SEMA3A: variants seen among roughly 807,000 people sequenced by gnomAD.
The protein encoded by SEMA3A is semaphorin-3A.
A neutral mutation model predicts 97.9 loss-of-function variants in SEMA3A; 29 were observed. The observed-to-expected ratio is 0.30, with a 90% CI of 0.22 to 0.40. SEMA3A has a LOEUF of 0.40. Among genes scored for constraint, SEMA3A ranks in the 10% least tolerant of loss-of-function variants. SEMA3A has a pLI of 1.00. For missense variants in SEMA3A, 763 were observed against 951.3 expected, an observed-to-expected ratio of 0.80 and a Z score of 2.60; for synonymous variants, 321 against 323.7, an observed-to-expected ratio of 0.99 and a Z score of 0.09.
intron 1 of SEMA3A, among the ~76,000 whole-genome samples, chr7:84,409,232 A>G (rs1340557274): frequency 6.6e-6 from 1 of 151,678 alleles, no homozygotes; most frequent in Non-Finnish European, 1.5e-5. Context: ...CTTTGAGGTG[A>G]TGGATATTTT....
intron 14 of SEMA3A, among the ~76,000 whole-genome samples, chr7:83,978,343 A>C (rs1311134894): frequency 6.6e-6 from 1 of 152,210 alleles, no homozygotes; most frequent in Non-Finnish European, 1.5e-5. Context: ...TGTGAGCTGC[A>C]GCACGTTGTG....
intron 1 of SEMA3A, among the ~76,000 whole-genome samples, chr7:84,445,910 C>T (rs1013592636): frequency 2.6e-5 from 4 of 151,250 alleles, no homozygotes; most frequent in African/African-American, 9.7e-5. Flanking sequence ...GCAATAAAAC[C>T]AAAAGTTTAC....
chr7:84,185,677 G>T (rs1797857984), intron 1 of SEMA3A, among the ~76,000 whole-genome samples: 3 of 107,224 alleles, frequency 2.8e-5, no homozygotes, highest in African/African-American at 3.7e-5. Flanking sequence ...GGTGACAAGA[G>T]AGAAACTCTG....
chr7:84,382,555 TTTTTA>T (rs1415966227), intron 1 of SEMA3A, among the ~76,000 whole-genome samples: 2 of 151,384 alleles, frequency 1.3e-5, no homozygotes. Flanking sequence ...TCACAATCAG[TTTTTA>T]AAGTTGTGTA....
chr7:84,412,849 A>C (rs1037025824), intron 1 of SEMA3A, among the ~76,000 whole-genome samples: 2 of 152,118 alleles, frequency 1.3e-5, no homozygotes, highest in Non-Finnish European at 2.9e-5. Context: ...TTAGATAGGA[A>C]TGACTCAAGT....
chr7:84,067,510 C>T (rs1227871400), intron 4 of SEMA3A, among the ~76,000 whole-genome samples: 11 of 151,432 alleles, frequency 7.3e-5, no homozygotes, highest in South Asian at 2.1e-4. Context: ...AGAAAATTTT[C>T]GCAACCTACT....
chr7:84,445,626 G>A (rs1216437102), intron 1 of SEMA3A, among the ~76,000 whole-genome samples: 3 of 150,830 alleles, frequency 2.0e-5, no homozygotes, highest in Non-Finnish European at 4.4e-5. Flanking sequence ...AACAACCAAT[G>A]GATCAAAGAA....
At chr7:84,284,027 G>T (rs573994665) in intron 3 of SEMA3A, among the ~76,000 whole-genome samples, 4 of 152,042 alleles carry the variant, frequency 2.6e-5, no homozygotes, top group Non-Finnish European at 5.9e-5. Flanking sequence ...ATGCTAAGTC[G>T]CATACAAAAG....
intron 12 of SEMA3A, among the ~76,000 whole-genome samples, chr7:83,988,189 C>T (rs10257669): frequency 0.16 from 23,786 of 151,904 alleles, 2,180 homozygotes; most frequent in Non-Finnish European, 0.21. Context: ...TGCTATTTTT[C>T]TTCCCTAATA....
At position 84,449,662 on chromosome 7, in the gene SEMA3A, T is replaced by C. The variant is rs117451189; in HGVS notation, c.-246+42798A>G. ...TGAGGGAGACAATAATATACTCAAA[T>C]ATACGTTGAGTATATTAATAAATAT... is the stretch of plus-strand genomic sequence containing the variant. On this transcript the variant is annotated intron_variant, in intron 1 of 3. Coordinates refer to the SEMA3A transcript ENST00000424555. Among the ~76,000 whole-genome samples the C allele has an allele frequency of 2.0e-3, 305 of 152,238 alleles. 1 individual carries two copies. The highest frequency in any genetic ancestry group is 6.8e-3 in the Middle Eastern group (2 of 294).
intron 1 of SEMA3A, among the ~76,000 whole-genome samples, chr7:84,187,085 T>C (rs938281949): frequency 5.9e-5 from 9 of 152,294 alleles, no homozygotes; most frequent in Admixed American, 5.2e-4. Flanking sequence ...AGTGTTGCTC[T>C]TGACAAGTGT....
At chr7:84,456,133 G>T (rs925824165) in intron 1 of SEMA3A, among the ~76,000 whole-genome samples, 1 of 151,686 alleles carries the variant, frequency 6.6e-6, no homozygotes, top group Non-Finnish European at 1.5e-5. Flanking sequence ...TATTTCATGC[G>T]CTTCACAACT....
intron 11 of SEMA3A, among the ~76,000 whole-genome samples, chr7:84,003,126 C>T (rs181997544): frequency 2.0e-5 from 3 of 152,058 alleles, no homozygotes; most frequent in Non-Finnish European, 4.4e-5. Flanking sequence ...AATAATTCAT[C>T]GATAACTGTT....
intron 4 of SEMA3A, among the ~76,000 whole-genome samples, chr7:84,103,512 T>A (rs1795016971): frequency 6.6e-6 from 1 of 152,156 alleles, no homozygotes; most frequent in African/African-American, 2.4e-5. Context: ...AAAACAAGAC[T>A]GAGAGATAAC....
chr7:83,977,093 C>T, intron 15 of SEMA3A, 39 bp downstream of exon 15: 1 of 1,275,812 alleles, frequency 7.8e-7, no homozygotes, highest in Admixed American at 2.1e-5. Flanking sequence ...TGATTTTAGC[C>T]TGGTCTTAGC....
At chr7:83,981,223 G>C in intron 14 of SEMA3A, 98 bp downstream of exon 14, 2 of 1,345,254 alleles carry the variant, frequency 1.5e-6, no homozygotes, top group Non-Finnish European at 2.1e-6. Flanking sequence ...TTATTCATTA[G>C]AAAAAGTTGA....
intron 2 of SEMA3A, among the ~76,000 whole-genome samples, chr7:84,331,125 T>C (rs1314608022): frequency 6.6e-6 from 1 of 152,130 alleles, no homozygotes; most frequent in Non-Finnish European, 1.5e-5. Flanking sequence ...GAACTATTGA[T>C]TGCTTTTCTG....
chr7:84,049,734 T>A (rs1351892880), intron 5 of SEMA3A, among the ~76,000 whole-genome samples: 1 of 151,960 alleles, frequency 6.6e-6, no homozygotes, highest in Non-Finnish European at 1.5e-5. Flanking sequence ...ATTATTATAC[T>A]TTAAGTTTTA....
chr7:84,070,417 A>G (rs17296151), intron 4 of SEMA3A, among the ~76,000 whole-genome samples: 27,149 of 152,090 alleles, frequency 0.18, 3,099 homozygotes, highest in Non-Finnish European at 0.25. Context: ...CTTCATGGCA[A>G]TAAATTTCCT....
Sources: gnomAD v4.1 joint callset for allele counts (sites outside exome capture counted in the v4.1 genomes callset) on GRCh38, gnomAD v4.1.1 for gene constraint, MANE v1.5 for transcripts, NCBI Gene and HGNC (gene_info 2026-07-23, HGNC 2026-07-21) for gene names.